CSNK1G1: variants seen among roughly 807,000 people sequenced by gnomAD.
CSNK1G1 encodes casein kinase 1 gamma 1, also known as casein kinase I isoform gamma-1.
CSNK1G1 carries 22 observed loss-of-function variants against 59.6 expected under a neutral mutation model. The ratio of observed to expected loss-of-function variants is 0.37; its 90% confidence interval spans 0.26 to 0.53. The LOEUF is 0.53. CSNK1G1 is among the 20% of genes least tolerant of loss of function. The pLI is 0.89. For missense variants in CSNK1G1, 384 were observed against 519.5 expected, an observed-to-expected ratio of 0.74 and a Z score of 2.54; for synonymous variants, 179 against 177.1, an observed-to-expected ratio of 1.01 and a Z score of -0.08.
intron 10 of CSNK1G1, among the ~76,000 whole-genome samples, chr15:64,192,132 T>C (rs2081979991): frequency 1.3e-5 from 2 of 152,236 alleles, no homozygotes; most frequent in African/African-American, 4.8e-5. Context: ...AGCAAACTAG[T>C]GGAAGAGATC....
intron 4 of CSNK1G1, among the ~76,000 whole-genome samples, chr15:64,242,547 C>T (rs1891529392): frequency 6.6e-6 from 1 of 152,188 alleles, no homozygotes; most frequent in South Asian, 2.1e-4. Flanking sequence ...GCCTGCAGAA[C>T]CATGAGCCAA....
chr15:64,254,797 G>A (rs963357895), intron 3 of CSNK1G1, among the ~76,000 whole-genome samples: 3 of 152,160 alleles, frequency 2.0e-5, no homozygotes, highest in Non-Finnish European at 2.9e-5. Context: ...AAATTTTGCT[G>A]AAGTCCAACT....
chr15:64,259,480 TC>T (rs1892570503), intron 2 of CSNK1G1, among the ~76,000 whole-genome samples: 1 of 125,168 alleles, frequency 8.0e-6, no homozygotes, highest in African/African-American at 3.4e-5. Flanking sequence ...AACAAATCTC[TC>T]TTACACACAC....
Position 64,215,711 on chromosome 15 carries a change from G to C in CSNK1G1, c.444+851C>G, listed in dbSNP as rs565457454. Among the ~76,000 whole-genome samples, 10 of 152,326 alleles carry C rather than the reference G, an allele frequency of 6.6e-5. No individual in the cohort carries two copies. In the South Asian group the frequency reaches 2.1e-3, roughly 32 times the overall value. ...ACTTCTCAAAGGAACTGTTGGAACT[G>C]CTTCTTAAACTGGTATTTGTGTATA... On this transcript the variant is annotated intron_variant, in intron 5 of 11. Coordinates refer to ENST00000303052, the MANE Select transcript of CSNK1G1 (RefSeq NM_022048.5).
In CSNK1G1 at chr15:64,171,636, GAC is replaced by G; in HGVS notation, c.*293_*294del. The stretch of plus-strand genomic sequence containing the variant: ...TAGCAGTCCTTGAGTTTTTGTGAAT[GAC>G]ACCTTCACTGTAAACAATGGGAAGG... On this transcript the variant is annotated 3_prime_UTR_variant, in exon 12 of 12. Coordinates refer to ENST00000303052, the MANE Select transcript of CSNK1G1 (RefSeq NM_022048.5). The surrounding 1 kb of genome is among the most constrained non-coding windows in gnomAD (Gnocchi z 4.8). 2.2e-6 allele frequency: 1 copy of G among 457,174 alleles called. No individual in the cohort carries two copies. The highest frequency in any genetic ancestry group is 4.0e-6 in the Non-Finnish European group (1 of 253,150). 28.3% of individuals were successfully genotyped at this position (457,174 alleles called of 1,614,324 possible).
At chr15:64,295,754 G>A (rs983704024) in intron 2 of CSNK1G1, among the ~76,000 whole-genome samples, 9 of 152,132 alleles carry the variant, frequency 5.9e-5, no homozygotes, top group Admixed American at 1.3e-4. Flanking sequence ...AATACAACCC[G>A]AATTCTCTTT....
rs1432528723 is a variant in CSNK1G1 at position 64,210,428 on chromosome 15, C to T, written c.680-2834G>A. 6.6e-6 allele frequency among the ~76,000 whole-genome samples: 1 copy of T among 152,208 alleles called. No individual in the cohort carries two copies. The highest frequency in any genetic ancestry group is 1.9e-4 in the East Asian group (1 of 5,184). ...CGACTTTGAACACTCCACACTTGTC[C>T]AATTCATTATTTCTACATGCCCTCA... On this transcript the variant is annotated intron_variant, in intron 6 of 11. Coordinates refer to ENST00000303052, the MANE Select transcript of CSNK1G1 (RefSeq NM_022048.5). The surrounding 1 kb of genome is among the most constrained non-coding windows in gnomAD (Gnocchi z 4.2).
chr15:64,303,711 T>C (rs544559865), intron 1 of CSNK1G1, among the ~76,000 whole-genome samples: 7 of 149,986 alleles, frequency 4.7e-5, no homozygotes, highest in South Asian at 4.2e-4. Flanking sequence ...GATCATGCCA[T>C]TGCACTCCAG....
At chr15:64,320,054 A>G (rs1375004598) in intron 1 of CSNK1G1, among the ~76,000 whole-genome samples, 1 of 150,992 alleles carries the variant, frequency 6.6e-6, no homozygotes, top group Non-Finnish European at 1.5e-5. Context: ...ACAAGTGAGC[A>G]CCATGACATC....
chr15:64,306,729 A>C (rs894323793), intron 1 of CSNK1G1, among the ~76,000 whole-genome samples: 1 of 152,230 alleles, frequency 6.6e-6, no homozygotes, highest in African/African-American at 2.4e-5. Context: ...GAAAACACTA[A>C]GATTTCCTTC....
rs938492271 is a variant in CSNK1G1, at chr15:64,188,430, T to C, written c.1108-7976A>G. The C allele has an allele frequency of 4.6e-6, 7 of 1,536,154 alleles. No homozygotes were observed. Among genetic ancestry groups the C allele is most frequent in the East Asian group, 2.4e-5 (1 of 40,924 alleles). ...CAAGTGAGACGTTAGGTATGAGGTA[T>C]TGGTCTGCCGGCTGGGCTGAATTTC... is the stretch of plus-strand genomic sequence containing the variant. On this transcript the variant is annotated intron_variant, in intron 10 of 11. Transcript: ENST00000303052. The surrounding 1 kb of genome is among the most constrained non-coding windows in gnomAD (Gnocchi z 4.2).
chr15:64,286,769 T>C (rs1894446046), intron 2 of CSNK1G1, among the ~76,000 whole-genome samples: 1 of 152,166 alleles, frequency 6.6e-6, no homozygotes, highest in African/African-American at 2.4e-5. Flanking sequence ...GTTTATAACA[T>C]CCTCCACTTT....
chr15:64,191,435 G>A (rs2081969168), intron 10 of CSNK1G1, among the ~76,000 whole-genome samples: 1 of 152,076 alleles, frequency 6.6e-6, no homozygotes, highest in African/African-American at 2.4e-5. Context: ...GGCTTTTAAA[G>A]TTAAGAAAAC....
At chr15:64,277,724 T>A in intron 2 of CSNK1G1, among the ~76,000 whole-genome samples, 1 of 128,762 alleles carries the variant, frequency 7.8e-6, no homozygotes, top group South Asian at 2.2e-4. Flanking sequence ...TTGATATATT[T>A]AATAATATAT....
At chr15:64,257,817 T>C (rs1892467915) in intron 3 of CSNK1G1, among the ~76,000 whole-genome samples, 1 of 152,156 alleles carries the variant, frequency 6.6e-6, no homozygotes, top group South Asian at 2.1e-4. Flanking sequence ...AGCCACTGTG[T>C]CTGTTCGGTT....
chr15:64,236,157 AAAAAGAAAAG>A (rs1261805579), intron 4 of CSNK1G1, among the ~76,000 whole-genome samples: 15 of 151,526 alleles, frequency 9.9e-5, no homozygotes, highest in Admixed American at 8.5e-4. Flanking sequence ...AAAAAAAAAA[AAAAAGAAAAG>A]AAAAGAAAAG....
At chr15:64,203,335 T>A (rs1015769844) in intron 9 of CSNK1G1, 146 bp from the exon 10 acceptor site, 7 of 650,186 alleles carry the variant, frequency 1.1e-5, no homozygotes, top group African/African-American at 9.0e-5. Context: ...GTCTTCTCAG[T>A]TTGCTCATCT....
chr15:64,256,988 A>T (rs1171363677), intron 3 of CSNK1G1, among the ~76,000 whole-genome samples: 1 of 152,104 alleles, frequency 6.6e-6, no homozygotes, highest in African/African-American at 2.4e-5. Flanking sequence ...CAAATTGACC[A>T]TTACAATCCA....
chr15:64,347,971 A>G (rs1596305906), intron 1 of CSNK1G1, among the ~76,000 whole-genome samples: 1 of 150,350 alleles, frequency 6.7e-6, no homozygotes, highest in East Asian at 2.0e-4. Context: ...CCGCCACTGC[A>G]CTCCAGCCTG....
Sources: gnomAD v4.1 joint callset for allele counts (sites outside exome capture counted in the v4.1 genomes callset) on GRCh38, gnomAD v4.1.1 for gene constraint, Gnocchi (gnomAD v3.1) non-coding constraint, MANE v1.5 for transcripts, NCBI Gene and HGNC (gene_info 2026-07-23, HGNC 2026-07-21) for gene names.